Variants in SLC7A2 observed in about 807,000 individuals in gnomAD.
SLC7A2 encodes cationic amino acid transporter 2.
In SLC7A2, 48 loss-of-function variants were observed where a neutral mutation model predicts 58.9. The observed-to-expected ratio is 0.82, with a 90% CI of 0.65 to 1.04. SLC7A2 has a LOEUF of 1.04. SLC7A2 is among the 50% of genes least tolerant of loss of function. The probability of loss-of-function intolerance (pLI) is 0.00; values close to 1 mark genes in which losing one functional copy is unlikely to be tolerated. For synonymous variants in SLC7A2, 363 were observed against 314.5 expected, an observed-to-expected ratio of 1.15 and a Z score of -1.63; for missense variants, 1,029 against 818.8, an observed-to-expected ratio of 1.26 and a Z score of -3.13.
At chr8:17,518,620 A>G (rs927216197) in intron 2 of SLC7A2, among the ~76,000 whole-genome samples, 1 of 17,706 alleles carries the variant, frequency 5.6e-5, no homozygotes, top group African/African-American at 8.7e-5. Flanking sequence ...AGTGGCCACA[A>G]CAAAACAAAA....
intron 2 of SLC7A2, chr8:17,510,832 C>G (rs1800574043): frequency 6.6e-6 from 1 of 152,134 alleles, no homozygotes; most frequent in Admixed American, 6.5e-5. Context: ...TTTACAATAG[C>G]AAAGACATGG....
intron 7 of SLC7A2, 46 bp from the exon 8 acceptor site, chr8:17,554,514 C>G: frequency 6.7e-7 from 1 of 1,482,096 alleles, no homozygotes; most frequent in Non-Finnish European, 9.0e-7. Context: ...GGGATGTAAT[C>G]TTGCATGAAT....
chr8:17,543,678 C>A lies in SLC7A2; in HGVS notation c.339C>A (p.Phe113Leu). ...TGACTGTCGGAGAGCTGTGGGCCTTCATCACTGGCTGGAATCTCATTTTAT... is the reference window on the plus strand; with the variant it reads ...TGACTGTCGGAGAGCTGTGGGCCTTAATCACTGGCTGGAATCTCATTTTAT... ...TYVTVGELWA[F>L]ITGWNLILSY... The change falls in exon 3 of 13, where the codon TTC (phenylalanine) becomes TTA (leucine). Residue 113 changes from phenylalanine to leucine, a missense_variant. Transcript: ENST00000494857. The A allele has an allele frequency of 6.6e-7, 1 of 1,522,432 alleles. No individual in the cohort carries two copies. The allele number at this position is 1,522,432 out of a possible 1,614,324, so 94.3% of individuals were successfully genotyped here.
chr8:17,495,127 A>AT (rs990902636), upstream of SLC7A2, among the ~76,000 whole-genome samples: 27 of 152,262 alleles, frequency 1.8e-4, no homozygotes, highest in African/African-American at 5.3e-4. Flanking sequence ...AGGAATCTCT[A>AT]TTTTTTTATT....
chr8:17,551,179 G>T (rs1802432150), intron 6 of SLC7A2, among the ~76,000 whole-genome samples: 1 of 152,130 alleles, frequency 6.6e-6, no homozygotes, highest in African/African-American at 2.4e-5. Context: ...GTTTTGGTTG[G>T]TTGGTTGGTT....
chr8:17,535,150 C>T (rs1801611369), intron 2 of SLC7A2, among the ~76,000 whole-genome samples: 1 of 152,150 alleles, frequency 6.6e-6, no homozygotes, highest in Non-Finnish European at 1.5e-5. Flanking sequence ...AGTTCAAGCT[C>T]CTTGCATGGC....
chr8:17,559,672 G>C (rs1229992535), intron 9 of SLC7A2, among the ~76,000 whole-genome samples: 2 of 152,220 alleles, frequency 1.3e-5, no homozygotes, highest in African/African-American at 4.8e-5. Context: ...GATGAAATTA[G>C]CTCCCACTGG....
intron 11 of SLC7A2, among the ~76,000 whole-genome samples, chr8:17,562,497 G>T (rs541778248): frequency 1.3e-5 from 2 of 152,092 alleles, no homozygotes; most frequent in African/African-American, 2.4e-5. Context: ...GAGCCACCGT[G>T]CCCTGCTTAT....
upstream of SLC7A2, among the ~76,000 whole-genome samples, chr8:17,495,612 C>G (rs1046011678): frequency 3.3e-5 from 5 of 152,168 alleles, no homozygotes; most frequent in African/African-American, 1.2e-4. Flanking sequence ...TGTAGTGGCA[C>G]TATCTCGGCT....
At chr8:17,537,999 C>T (rs1270400473) in intron 2 of SLC7A2, among the ~76,000 whole-genome samples, 1 of 152,176 alleles carries the variant, frequency 6.6e-6, no homozygotes, top group Admixed American at 6.6e-5. Flanking sequence ...GTGATGTTGC[C>T]TTCACTAAAG....
intron 2 of SLC7A2, among the ~76,000 whole-genome samples, chr8:17,529,192 C>G (rs140057955): frequency 7.5e-4 from 114 of 152,328 alleles, no homozygotes; most frequent in Middle Eastern, 6.8e-3. Context: ...GCACTCTGTT[C>G]AGTAGCACTG....
intron 2 of SLC7A2, among the ~76,000 whole-genome samples, chr8:17,528,238 G>A (rs959365922): frequency 6.6e-6 from 1 of 152,122 alleles, no homozygotes; most frequent in Non-Finnish European, 1.5e-5. Context: ...AAAGCAAAAA[G>A]AATTAATAGA....
rs1049581097 is a variant in SLC7A2 at position 17,548,837 on chromosome 8, G to A, written c.692G>A (p.Ser231Asn). ...GAGTTTCTCAAAAATATATCAGCAA[G>A]TGCCAGGTAAAATATTTGAGGTTTT... The part of the protein sequence containing the change: ...SEEFLKNISA[S>N]AREPPSENGT... The change falls in exon 5 of 13, where the codon AGT becomes AAT. Residue 231 changes from serine (S) to asparagine (N), a missense_variant. Ser to Asn is a conservative substitution (Grantham distance 46). Coordinates refer to ENST00000494857, the MANE Select transcript of SLC7A2 (RefSeq NM_001370338.1). 6.3e-7 allele frequency: 1 copy of A among 1,583,720 alleles called. No homozygotes were observed. Among genetic ancestry groups the A allele is most frequent in the African/African-American group, 1.4e-5 (1 of 69,250 alleles).
chr8:17,527,846 C>T (rs766187699), intron 2 of SLC7A2, among the ~76,000 whole-genome samples: 6 of 152,176 alleles, frequency 3.9e-5, no homozygotes, highest in Non-Finnish European at 7.3e-5. Flanking sequence ...TTTAGGACTT[C>T]AGCATATTTT....
chr8:17,519,495 G>A (rs555393233), intron 2 of SLC7A2, among the ~76,000 whole-genome samples: 88 of 152,214 alleles, frequency 5.8e-4, no homozygotes, highest in African/African-American at 1.7e-3. Flanking sequence ...CTCTTCCTAG[G>A]CTAATTGTGA....
chr8:17,556,897 C>T (rs1802731661), intron 8 of SLC7A2, among the ~76,000 whole-genome samples: 1 of 152,174 alleles, frequency 6.6e-6, no homozygotes, highest in Non-Finnish European at 1.5e-5. Context: ...GTGTGAACCT[C>T]TGTGCCCAGC....
At position 17,565,154 on chromosome 8, in the gene SLC7A2, A is replaced by G. The variant is rs1354750393; in HGVS notation, c.*8A>G. On this transcript the variant is annotated 3_prime_UTR_variant, in exon 13 of 13. Transcript: ENST00000494857. ...AAGACAAGTGAATTCTAACACTTGC[A>G]GGAGCAGAGCTGGTCATCGTCTTAG... 1.2e-6 allele frequency: 2 copies of G among 1,603,116 alleles called. No homozygotes were observed. The highest frequency in any genetic ancestry group is 1.7e-6 in the Non-Finnish European group (2 of 1,171,864).
intron 2 of SLC7A2, among the ~76,000 whole-genome samples, chr8:17,507,797 G>C (rs1039344426): frequency 2.0e-5 from 3 of 152,120 alleles, no homozygotes; most frequent in Non-Finnish European, 4.4e-5. Context: ...TTTTCAAAGA[G>C]ATATTTGAAG....
At chr8:17,557,578 C>T (rs1802765545) in intron 8 of SLC7A2, among the ~76,000 whole-genome samples, 2 of 152,182 alleles carry the variant, frequency 1.3e-5, no homozygotes, top group Non-Finnish European at 2.9e-5. Flanking sequence ...CACCTGTAAT[C>T]CCAGCATCTT....
Sources: gnomAD v4.1 joint callset for allele counts (sites outside exome capture counted in the v4.1 genomes callset) on GRCh38, gnomAD v4.1.1 for gene constraint, MANE v1.5 for transcripts, NCBI Gene and HGNC (gene_info 2026-07-23, HGNC 2026-07-21) for gene names.